Variants in FSTL4 observed in about 807,000 individuals in gnomAD.
FSTL4 encodes the protein follistatin-related protein 4.
Under a neutral mutation model 78.2 loss-of-function variants are expected in FSTL4, and 28 were observed. The ratio of observed to expected loss-of-function variants is 0.36; its 90% CI spans 0.27 to 0.49. The LOEUF is 0.49. FSTL4 is among the 20% of genes least tolerant of loss of function. FSTL4 has a pLI of 0.98. For synonymous variants in FSTL4, 422 were observed against 440.5 expected (o/e 0.96, Z 0.53); for missense variants, 922 against 1,084.9 (o/e 0.85, Z 2.11).
At chr5:133,328,950 T>C (rs1754277679) in intron 4 of FSTL4, among the ~76,000 whole-genome samples, 1 of 152,242 alleles carries the variant, frequency 6.6e-6, no homozygotes, top group African/African-American at 2.4e-5. Context: ...GCGTCAGTGA[T>C]GTCCAGAAAT....
chr5:133,415,047 G>A (rs1323148813), intron 3 of FSTL4, among the ~76,000 whole-genome samples: 1 of 152,280 alleles, frequency 6.6e-6, no homozygotes, highest in Non-Finnish European at 1.5e-5. Flanking sequence ...TTCTTTCTTC[G>A]ATATGTAGAT....
chr5:133,257,523 A>G (rs144900725), intron 6 of FSTL4, among the ~76,000 whole-genome samples: 197 of 152,288 alleles, frequency 1.3e-3, no homozygotes, highest in African/African-American at 4.7e-3. Context: ...TTTAGTTTTG[A>G]GAAAACTAAA....
chr5:133,397,972 G>C (rs1756113720), intron 4 of FSTL4, among the ~76,000 whole-genome samples: 1 of 152,198 alleles, frequency 6.6e-6, no homozygotes, highest in South Asian at 2.1e-4. Flanking sequence ...ACCTCAAGCT[G>C]TTATTAAATA....
chr5:133,696,188 C>T, the FSTL4 span, among the ~76,000 whole-genome samples: 1 of 152,236 alleles, frequency 6.6e-6, no homozygotes, highest in East Asian at 1.9e-4. Context: ...CTGAAGCCTA[C>T]GCTCCTGACT....
At chr5:133,417,349 GA>G (rs35554365) in intron 3 of FSTL4, among the ~76,000 whole-genome samples, 15,287 of 148,158 alleles carry the variant, frequency 0.1, 2,320 homozygotes, top group African/African-American at 0.34. Context: ...AAAAAAGAAT[GA>G]AAAAAAAAAT....
At chr5:133,218,119 C>A (rs995672335) in intron 12 of FSTL4, among the ~76,000 whole-genome samples, 1 of 152,194 alleles carries the variant, frequency 6.6e-6, no homozygotes, top group African/African-American at 2.4e-5. Flanking sequence ...CTTGATTTTA[C>A]TTCTTAATCC....
At chr5:133,447,230 G>A (rs531929394) in intron 3 of FSTL4, among the ~76,000 whole-genome samples, 98 of 152,304 alleles carry the variant, frequency 6.4e-4, no homozygotes, top group Non-Finnish European at 1.0e-3. Flanking sequence ...ACAGAGTGTG[G>A]GCACCACCTG....
At chr5:133,411,242 A>C (rs1756472429) in intron 3 of FSTL4, among the ~76,000 whole-genome samples, 1 of 152,188 alleles carries the variant, frequency 6.6e-6, no homozygotes, top group African/African-American at 2.4e-5. Context: ...CCTCTGAAAA[A>C]ATGACTAGAA....
At chr5:133,626,817 T>G in the FSTL4 span, among the ~76,000 whole-genome samples, 1 of 152,176 alleles carries the variant, frequency 6.6e-6, no homozygotes, top group Non-Finnish European at 1.5e-5. Context: ...TGGTCTATTT[T>G]GTTACATGTT....
chr5:133,569,788 T>A (rs1760109854), intron 2 of FSTL4, among the ~76,000 whole-genome samples: 1 of 152,232 alleles, frequency 6.6e-6, no homozygotes, highest in South Asian at 2.1e-4. Context: ...AGTCATAATA[T>A]ACTTTTAAAA....
At chr5:133,350,806 A>C (rs1754805150) in intron 4 of FSTL4, among the ~76,000 whole-genome samples, 2 of 152,158 alleles carry the variant, frequency 1.3e-5, no homozygotes, top group African/African-American at 4.8e-5. Flanking sequence ...CCTTCCAGGC[A>C]GTGACAGGGA....
chr5:133,778,334 T>C, the FSTL4 span, among the ~76,000 whole-genome samples: 1 of 145,984 alleles, frequency 6.9e-6, no homozygotes, highest in African/African-American at 2.5e-5. Flanking sequence ...AAAGGAGGTG[T>C]TTCCTCTAAA....
chr5:133,687,032 C>T, the FSTL4 span, among the ~76,000 whole-genome samples: 1 of 152,194 alleles, frequency 6.6e-6, no homozygotes, highest in Non-Finnish European at 1.5e-5. Context: ...CACAACAAAA[C>T]ATACACAGGC....
At chr5:133,200,398 G>C (rs1049106077) in intron 15 of FSTL4, among the ~76,000 whole-genome samples, 11 of 152,224 alleles carry the variant, frequency 7.2e-5, no homozygotes, top group Non-Finnish European at 8.8e-5. Flanking sequence ...AAGAACCCTG[G>C]GCATTGGGGT....
chr5:133,445,637 C>T (rs1014723381), intron 3 of FSTL4, among the ~76,000 whole-genome samples: 4 of 152,200 alleles, frequency 2.6e-5, no homozygotes, highest in African/African-American at 7.2e-5. Flanking sequence ...AGATACCAAG[C>T]TGAGAGCAGA....
At chr5:133,443,473 C>T (rs910402860) in intron 3 of FSTL4, among the ~76,000 whole-genome samples, 5 of 152,208 alleles carry the variant, frequency 3.3e-5, no homozygotes, top group Non-Finnish European at 7.3e-5. Context: ...TTCTTAAAAC[C>T]AGGGCAAATG....
At chr5:133,239,906 G>A (rs548008425) in intron 7 of FSTL4, among the ~76,000 whole-genome samples, 9 of 152,280 alleles carry the variant, frequency 5.9e-5, no homozygotes, top group South Asian at 4.2e-4. Flanking sequence ...CAGACCAATC[G>A]GCTCTCTGTA....
the FSTL4 span, among the ~76,000 whole-genome samples, chr5:133,795,300 T>G: frequency 1.3e-5 from 2 of 152,124 alleles, no homozygotes; most frequent in African/African-American, 4.8e-5. Flanking sequence ...AGTGAGCAAA[T>G]GCGCCTGCGC....
intron 3 of FSTL4, among the ~76,000 whole-genome samples, chr5:133,525,048 G>A (rs1476537890): frequency 6.6e-6 from 1 of 152,170 alleles, no homozygotes; most frequent in African/African-American, 2.4e-5. Flanking sequence ...CCTGTTACAT[G>A]GAGTCTTCCC....
Sources: allele counts gnomAD v4.1 joint callset (sites outside exome capture counted in the v4.1 genomes callset), GRCh38; gene constraint gnomAD v4.1.1; transcripts MANE v1.5; gene names NCBI Gene and HGNC (gene_info 2026-07-23, HGNC 2026-07-21).